ASB18: variants seen among roughly 807,000 people sequenced by gnomAD.
ASB18 encodes ankyrin repeat and SOCS box protein 18.
In ASB18, 33 loss-of-function variants were observed where a neutral mutation model predicts 33.4. That is an observed-to-expected ratio of 0.99 (90% CI 0.75 to 1.32). ASB18 has a LOEUF of 1.32. ASB18 is among the 40% of genes most tolerant of loss of function. The probability of loss-of-function intolerance (pLI) is 0.00; values close to 1 mark genes in which losing one functional copy is unlikely to be tolerated. For missense variants in ASB18, 694 were observed against 655.5 expected, an observed-to-expected ratio of 1.06 and a Z score of -0.64; for synonymous variants, 295 against 307.6, an observed-to-expected ratio of 0.96 and a Z score of 0.43.
intron 4 of ASB18, among the ~76,000 whole-genome samples, chr2:236,210,166 C>T (rs1254602805): frequency 6.6e-6 from 1 of 152,192 alleles, no homozygotes; most frequent in Non-Finnish European, 1.5e-5. Context: ...CATGCTCCTG[C>T]TCCTCACTGT....
At position 236,225,567 on chromosome 2, in the gene ASB18, A is replaced by G. The variant is rs2060533330; in HGVS notation, c.597-10701T>C. The stretch of plus-strand genomic sequence containing the variant: ...AAGAAAAAGAATAGGGCGTCAACAC[A>G]TTCTTTTCTTATTTTAATTATCTCG... On this transcript the variant is annotated intron_variant, in intron 3 of 5. Transcript: ENST00000409749. The surrounding 1 kb of genome is among the most constrained non-coding windows in gnomAD (Gnocchi z 5.1). Among the ~76,000 whole-genome samples, 4 of 152,190 alleles carry G rather than the reference A, an allele frequency of 2.6e-5. No homozygotes were observed. In the South Asian group the frequency reaches 8.3e-4, roughly 32 times the overall value.
At position 236,225,232 on chromosome 2, in the gene ASB18, C is replaced by T. The variant is rs2060531607; in HGVS notation, c.597-10366G>A. 6.6e-6 allele frequency among the ~76,000 whole-genome samples: 1 copy of T among 151,970 alleles called. No individual in the cohort carries two copies. The highest frequency in any genetic ancestry group is 1.5e-5 in the Non-Finnish European group (1 of 67,996). On this transcript the variant is annotated intron_variant, in intron 3 of 5. Coordinates refer to ENST00000409749, the MANE Select transcript of ASB18 (RefSeq NM_212556.4). This position sits in a 1 kb window ranked among gnomAD's most constrained non-coding sequence, Gnocchi z 5.1. Reference sequence around the variant, plus strand: ...GACTTCCTGGGCTCAAGTGATCCTCCAGACTCAGCCTCCCAAGTAGCTGAG... The same window carrying T: ...GACTTCCTGGGCTCAAGTGATCCTCTAGACTCAGCCTCCCAAGTAGCTGAG...
rs1316700892 is a variant in ASB18 at position 236,196,002 on chromosome 2, T to C, written c.1215+270A>G. The C allele has an allele frequency of 4.3e-6, 2 of 465,810 alleles. No individual in the cohort carries two copies. The highest frequency in any genetic ancestry group is 8.0e-6 in the Non-Finnish European group (2 of 250,692). 28.9% of individuals were successfully genotyped at this position (465,810 alleles called of 1,614,324 possible). A position where few individuals can be genotyped will look rare whatever the true frequency, so the allele number is the denominator to read the frequency against. On this transcript the variant is annotated intron_variant, in intron 5 of 5. Coordinates refer to ENST00000409749, the MANE Select transcript of ASB18 (RefSeq NM_212556.4). The surrounding 1 kb of genome is among the most constrained non-coding windows in gnomAD (Gnocchi z 5.6). ...GCGGCTCTGGCCTTTCTTTGGACAC[T>C]GGTTAAGGAACCCTCGCGCTTTTCA... is the stretch of plus-strand genomic sequence containing the variant.
rs56247246 is a variant in ASB18, at chr2:236,214,741, C to A, written c.722G>T (p.Arg241Leu). ...GTTCCTCGCGTCCACGTGCGCCCCG[C>A]GGCCCAGGTACAGGCGCGCGTGCTC... ...LDEHARLYLG[R>L]GAHVDARNGR... is the part of the protein sequence containing the mutation. The change falls in exon 4 of 6, where the codon CGC becomes CTC. Residue 241 changes from arginine (R) to leucine (L), a missense_variant. Arg to Leu is a moderately radical substitution (Grantham distance 102). Coordinates refer to ENST00000409749, the MANE Select transcript of ASB18 (RefSeq NM_212556.4). The surrounding 1 kb of genome is among the most constrained non-coding windows in gnomAD (Gnocchi z 6.5). The A allele has an allele frequency of 0.094, 110,220 of 1,167,746 alleles. 5,882 individuals carry two copies. Among genetic ancestry groups the A allele is most frequent in the Middle Eastern group, 0.14 (393 of 2,828 alleles). 72.3% of individuals were successfully genotyped at this position (1,167,746 alleles called of 1,614,324 possible).
At position 236,244,091 on chromosome 2, in the gene ASB18, G is replaced by T. The variant is rs1020858160; in HGVS notation, c.206-2689C>A. On this transcript the variant is annotated intron_variant, in intron 1 of 5. Transcript: ENST00000409749. This position sits in a 1 kb window ranked among gnomAD's most constrained non-coding sequence, Gnocchi z 6.1. The stretch of plus-strand genomic sequence containing the variant: ...ATCTGCCCACTTCGGCCTCCCAAGT[G>T]CTGGGATTACAGGTGTGAGCCACCG... 2.0e-5 allele frequency among the ~76,000 whole-genome samples: 3 copies of T among 152,208 alleles called. No homozygotes were observed. Among genetic ancestry groups the T allele is most frequent in the Admixed American group, 6.5e-5 (1 of 15,278 alleles).
chr2:236,229,651 G>A lies in ASB18; in HGVS notation c.596+8038C>T, dbSNP rs57520784. On this transcript the variant is annotated intron_variant, in intron 3 of 5. Transcript: ENST00000409749. The surrounding 1 kb of genome is among the most constrained non-coding windows in gnomAD (Gnocchi z 5.2). The stretch of plus-strand genomic sequence containing the variant: ...GAGGTCAGGGGTTCAAGACTAACCT[G>A]GCCAACATGGTGAAATCCTGGCTCT... Among the ~76,000 whole-genome samples the A allele has an allele frequency of 9.1e-4, 139 of 152,182 alleles. No individual in the cohort carries two copies. The highest frequency in any genetic ancestry group is 3.0e-3 in the African/African-American group (124 of 41,512).
In ASB18 at chr2:236,203,884, AAACCAACCAACC is replaced by A. The variant is rs558164843; in HGVS notation, c.1102-7511_1102-7500del. 5.0e-5 allele frequency among the ~76,000 whole-genome samples: 6 copies of A among 120,730 alleles called. No homozygotes were observed. The highest frequency in any genetic ancestry group is 7.9e-5 in the Admixed American group (1 of 12,678). The allele number at this position is 120,730 out of a possible 152,430, so 79.2% of individuals were successfully genotyped here. On this transcript the variant is annotated intron_variant, in intron 4 of 5. Coordinates refer to ENST00000409749, the MANE Select transcript of ASB18 (RefSeq NM_212556.4). This position sits in a 1 kb window ranked among gnomAD's most constrained non-coding sequence, Gnocchi z 6.0. ...CCCCTCTCAAAAACCAAACCAAACC[AAACCAACCAACC>A]AACCAACCAACCAACCAAACAAGGA...
rs1055347204 is a variant in ASB18 at position 236,194,514 on chromosome 2, T to C, written c.*358A>G. On this transcript the variant is annotated 3_prime_UTR_variant, in exon 6 of 6. Coordinates refer to ENST00000409749, the MANE Select transcript of ASB18 (RefSeq NM_212556.4). The surrounding 1 kb of genome is among the most constrained non-coding windows in gnomAD (Gnocchi z 4.5). ...AACCTTGGGAAAACTGGCATTGTTA[T>C]ACCTCATTTAGCTTAAAGCTGGTTC... is the stretch of plus-strand genomic sequence containing the variant. Among the ~76,000 whole-genome samples, 4 of 152,214 alleles carry C rather than the reference T, an allele frequency of 2.6e-5. No individual in the cohort carries two copies. The highest frequency in any genetic ancestry group is 4.8e-5 in the African/African-American group (2 of 41,456).
Position 236,239,023 on chromosome 2 carries a change from G to A in ASB18, c.329-1067C>T, listed in dbSNP as rs1327164157. On this transcript the variant is annotated intron_variant, in intron 2 of 5. Coordinates refer to ENST00000409749, the MANE Select transcript of ASB18 (RefSeq NM_212556.4). The surrounding 1 kb of genome is among the most constrained non-coding windows in gnomAD (Gnocchi z 5.6). ...GTTGTGCACTCAGTGGGGGAAGGGG[G>A]GCCTGTGGGACTGGCATGGAATGGT... 1.3e-5 allele frequency among the ~76,000 whole-genome samples: 2 copies of A among 152,168 alleles called. No homozygotes were observed. Among genetic ancestry groups the A allele is most frequent in the Admixed American group, 6.5e-5 (1 of 15,282 alleles).
In ASB18 at chr2:236,211,461, T is replaced by C. The variant is rs1000688964; in HGVS notation, c.1101+2901A>G. Among the ~76,000 whole-genome samples, 18 of 152,236 alleles carry C rather than the reference T, an allele frequency of 1.2e-4. No individual in the cohort carries two copies. The highest frequency in any genetic ancestry group is 1.2e-3 in the Admixed American group (18 of 15,282). ...TTTGTCTGGGCATGGGGAGCTGTGA[T>C]TTATGTCATAAGCTCGCTGTGAAAC... On this transcript the variant is annotated intron_variant, in intron 4 of 5. Transcript: ENST00000409749. This position sits in a 1 kb window ranked among gnomAD's most constrained non-coding sequence, Gnocchi z 5.0.
At chr2:236,236,432 A>G (rs985109039) in intron 3 of ASB18, among the ~76,000 whole-genome samples, 2 of 152,178 alleles carry the variant, frequency 1.3e-5, no homozygotes, top group African/African-American at 4.8e-5. Flanking sequence ...AATGATAAAT[A>G]TCTGCCCTCC....
rs1332945044 is a variant in ASB18 at position 236,251,026 on chromosome 2, TGGA to T, written c.206-9627_206-9625del. 6.6e-6 allele frequency among the ~76,000 whole-genome samples: 1 copy of T among 152,242 alleles called. No individual in the cohort carries two copies. Among genetic ancestry groups the T allele is most frequent in the Admixed American group, 6.5e-5 (1 of 15,290 alleles). On this transcript the variant is annotated intron_variant, in intron 1 of 5. Transcript: ENST00000409749. This position sits in a 1 kb window ranked among gnomAD's most constrained non-coding sequence, Gnocchi z 5.3. ...ATTAAGAAATCTCATTTCCATCATG[TGGA>T]GGAACACAATAAGGGAGGAAACCAC...
chr2:236,203,998 GGA>G lies in ASB18; in HGVS notation c.1102-7615_1102-7614del, dbSNP rs1286389039. Among the ~76,000 whole-genome samples, 1 of 152,180 alleles carries G rather than the reference GGA, an allele frequency of 6.6e-6. No individual in the cohort carries two copies. Among genetic ancestry groups the G allele is most frequent in the Admixed American group, 6.5e-5 (1 of 15,282 alleles). ...AGTGAAGAAGATGTGTCCATCTAGG[GGA>G]GAGATGGTGGTGGCCTCACCTCAGG... On this transcript the variant is annotated intron_variant, in intron 4 of 5. Coordinates refer to ENST00000409749, the MANE Select transcript of ASB18 (RefSeq NM_212556.4). This position sits in a 1 kb window ranked among gnomAD's most constrained non-coding sequence, Gnocchi z 6.0.
At position 236,251,630 on chromosome 2, in the gene ASB18, A is replaced by C. The variant is rs1189572754; in HGVS notation, c.206-10228T>G. 2.0e-5 allele frequency among the ~76,000 whole-genome samples: 3 copies of C among 152,182 alleles called. No homozygotes were observed. Among genetic ancestry groups the C allele is most frequent in the African/African-American group, 7.2e-5 (3 of 41,442 alleles). On this transcript the variant is annotated intron_variant, in intron 1 of 5. Coordinates refer to ENST00000409749, the MANE Select transcript of ASB18 (RefSeq NM_212556.4). This position sits in a 1 kb window ranked among gnomAD's most constrained non-coding sequence, Gnocchi z 5.3. Reference sequence around the variant, plus strand: ...AATTTGGTCAACACTGCATCCAGCAAAGTGAGGCCAGTTTTGTCTGATGGA... The same window carrying C: ...AATTTGGTCAACACTGCATCCAGCACAGTGAGGCCAGTTTTGTCTGATGGA...
rs1300443868 is a variant in ASB18 at position 236,215,370 on chromosome 2, C to T, written c.597-504G>A. ...GCACCACGAAGGGACTTTCCCCATC[C>T]CTCAGGACACTGACTCAGGCTGGCA... On this transcript the variant is annotated intron_variant, in intron 3 of 5. Transcript: ENST00000409749. This position sits in a 1 kb window ranked among gnomAD's most constrained non-coding sequence, Gnocchi z 7.2. Among the ~76,000 whole-genome samples the T allele has an allele frequency of 6.6e-6, 1 of 152,144 alleles. No homozygotes were observed. Among genetic ancestry groups the T allele is most frequent in the Non-Finnish European group, 1.5e-5 (1 of 68,028 alleles).
chr2:236,241,874 C>T lies in ASB18; in HGVS notation c.206-472G>A, dbSNP rs2060622813. The stretch of plus-strand genomic sequence containing the variant: ...ATCCTGCTGTTGGGCAGATGATTCC[C>T]CAGTCTTAAATAGCATTGCATTTAC... On this transcript the variant is annotated intron_variant, in intron 1 of 5. Coordinates refer to ENST00000409749, the MANE Select transcript of ASB18 (RefSeq NM_212556.4). This position sits in a 1 kb window ranked among gnomAD's most constrained non-coding sequence, Gnocchi z 4.2. 6.6e-6 allele frequency among the ~76,000 whole-genome samples: 1 copy of T among 152,078 alleles called. No homozygotes were observed. The highest frequency in any genetic ancestry group is 1.5e-5 in the Non-Finnish European group (1 of 68,032).
At position 236,204,399 on chromosome 2, in the gene ASB18, T is replaced by TG. The variant is rs1479425157; in HGVS notation, c.1102-8015dup. Among the ~76,000 whole-genome samples the TG allele has an allele frequency of 6.6e-6, 1 of 152,228 alleles. No individual in the cohort carries two copies. Among genetic ancestry groups the TG allele is most frequent in the Non-Finnish European group, 1.5e-5 (1 of 68,042 alleles). ...GTTGCCCCTCCTCGGTTTCCTTAGC[T>TG]GCTGTCTCATCTCCGTCCTTCAGAT... On this transcript the variant is annotated intron_variant, in intron 4 of 5. Coordinates refer to ENST00000409749, the MANE Select transcript of ASB18 (RefSeq NM_212556.4). The surrounding 1 kb of genome is among the most constrained non-coding windows in gnomAD (Gnocchi z 5.1).
rs1351694153 is a variant in ASB18 at position 236,214,988 on chromosome 2, A to T, written c.597-122T>A. 1 of 681,332 alleles carries T rather than the reference A, an allele frequency of 1.5e-6. No individual in the cohort carries two copies. Among genetic ancestry groups the T allele is most frequent in the African/African-American group, 2.0e-5 (1 of 51,232 alleles). 42.2% of individuals were successfully genotyped at this position (681,332 alleles called of 1,614,324 possible). A position where few individuals can be genotyped will look rare whatever the true frequency, so the allele number is the denominator to read the frequency against. Reference sequence around the variant, plus strand: ...ATGAAAAGACATGCTCCGCTCTCCCATACCAAGGCGTCAGGAGTTCAAACT... The same window carrying T: ...ATGAAAAGACATGCTCCGCTCTCCCTTACCAAGGCGTCAGGAGTTCAAACT... On this transcript the variant is annotated intron_variant, in intron 3 of 5. Transcript: ENST00000409749. The surrounding 1 kb of genome is among the most constrained non-coding windows in gnomAD (Gnocchi z 6.5).
At chr2:236,243,633 C>T (rs1186709093) in intron 1 of ASB18, among the ~76,000 whole-genome samples, 1 of 151,926 alleles carries the variant, frequency 6.6e-6, no homozygotes, top group Middle Eastern at 3.2e-3. Context: ...CTTCCAGGGA[C>T]AGAGAACTGA....
Sources: gnomAD v4.1 joint callset for allele counts (sites outside exome capture counted in the v4.1 genomes callset) on GRCh38, gnomAD v4.1.1 for gene constraint, Gnocchi (gnomAD v3.1) non-coding constraint, MANE v1.5 for transcripts, NCBI Gene and HGNC (gene_info 2026-07-23, HGNC 2026-07-21) for gene names.